The following TMEM74 variants were observed in gnomAD, a reference collection of about 807,000 sequenced individuals.
TMEM74 encodes the protein transmembrane protein 74.
In TMEM74, 13 loss-of-function variants were observed where a neutral mutation model predicts 18.1. That is an observed-to-expected ratio of 0.72 (90% CI 0.47 to 1.14). TMEM74 has a LOEUF of 1.14. Ranked by LOEUF, TMEM74 falls within the 50% of genes most tolerant of loss-of-function variation. The probability of loss-of-function intolerance (pLI) is 0.00; values close to 1 mark genes in which losing one functional copy is unlikely to be tolerated. For synonymous variants in TMEM74, 159 were observed against 146.6 expected (o/e 1.08, Z -0.61); for missense variants, 372 against 375.9 (o/e 0.99, Z 0.09).
Position 108,718,250 on chromosome 8 carries a change from G to A in TMEM74, n.120-62813C>T, listed in dbSNP as rs551550272. Reference sequence around the variant, plus strand: ...TGGGATTACAGGCGTGAGCCACCGCGCCCGGCCCTGACTTAGGTTTTAAAA... The same window carrying A: ...TGGGATTACAGGCGTGAGCCACCGCACCCGGCCCTGACTTAGGTTTTAAAA... On this transcript the variant is annotated intron_variant and non_coding_transcript_variant, in intron 1 of 3. Coordinates refer to the TMEM74 transcript ENST00000518838. Among the ~76,000 whole-genome samples the A allele has an allele frequency of 6.3e-4, 95 of 151,562 alleles. 26 individuals carry two copies. Among genetic ancestry groups the A allele is most frequent in the Admixed American group, 2.2e-3 (33 of 15,218 alleles).
chr8:108,655,847 G>C lies in TMEM74; in HGVS notation n.120-410C>G, dbSNP rs117163596. Among the ~76,000 whole-genome samples, 20 of 152,252 alleles carry C rather than the reference G, an allele frequency of 1.3e-4. No homozygotes were observed. In the East Asian group the frequency reaches 3.7e-3, roughly 28 times the overall value. ...GGTTCTTAAGAACTGAAACATTGTA[G>C]AACAATATAGCACATCAAACAATAT... On this transcript the variant is annotated intron_variant and non_coding_transcript_variant, in intron 1 of 3. Coordinates refer to the TMEM74 transcript ENST00000518838.
chr8:108,762,758 A>C (rs995296516), intron 1 of TMEM74, among the ~76,000 whole-genome samples: 3 of 152,128 alleles, frequency 2.0e-5, no homozygotes, highest in Admixed American at 1.3e-4. Context: ...AATAGAAGGC[A>C]TAGTGGTATG....
At chr8:108,670,473 C>T (rs1812993384) in intron 1 of TMEM74, among the ~76,000 whole-genome samples, 1 of 152,182 alleles carries the variant, frequency 6.6e-6, no homozygotes, top group South Asian at 2.1e-4. Context: ...CTCCCATATA[C>T]TGCAGTGCTG....
chr8:108,747,071 A>C (rs568391009), intron 1 of TMEM74, among the ~76,000 whole-genome samples: 19 of 152,172 alleles, frequency 1.2e-4, no homozygotes, highest in Non-Finnish European at 2.4e-4. Flanking sequence ...ATAGCCACAC[A>C]GTCAGGAGCA....
At position 108,641,790 on chromosome 8, in the gene TMEM74, C is replaced by T. The variant is rs3019396; in HGVS notation, n.264+13503G>A. On this transcript the variant is annotated intron_variant and non_coding_transcript_variant, in intron 2 of 3. Transcript: ENST00000518838. The stretch of plus-strand genomic sequence containing the variant: ...TCTTTCTTGCTAGCTGTCATGGAAG[C>T]CTTCTCCTTCATCTTAAGTTGGAAA... 5.5e-4 allele frequency among the ~76,000 whole-genome samples: 84 copies of T among 151,892 alleles called. 1 individual carries two copies. The highest frequency in any genetic ancestry group is 1.5e-3 in the Admixed American group (23 of 15,258).
intron 1 of TMEM74, among the ~76,000 whole-genome samples, chr8:108,657,859 A>AAAAAT (rs1554630268): frequency 1.8e-4 from 9 of 49,886 alleles, no homozygotes; most frequent in Non-Finnish European, 2.4e-4. Context: ...AAAAAAAAAA[A>AAAAAT]ATATATATAT....
At chr8:108,617,937 C>A (rs1238569807) in intron 2 of TMEM74, among the ~76,000 whole-genome samples, 1 of 152,078 alleles carries the variant, frequency 6.6e-6, no homozygotes, top group Admixed American at 6.6e-5. Context: ...CTGGAAGCAC[C>A]AGCATGGGTC....
At chr8:108,677,220 G>A (rs1309280445) in intron 1 of TMEM74, among the ~76,000 whole-genome samples, 2 of 152,100 alleles carry the variant, frequency 1.3e-5, no homozygotes, top group Non-Finnish European at 2.9e-5. Flanking sequence ...TAGAAAGAAA[G>A]GAACCTAATC....
At chr8:108,690,950 T>A (rs560873537) in intron 1 of TMEM74, among the ~76,000 whole-genome samples, 8 of 152,142 alleles carry the variant, frequency 5.3e-5, no homozygotes, top group Non-Finnish European at 1.2e-4. Flanking sequence ...ACAAAGTTAA[T>A]GAGAGGATAG....
At chr8:108,735,814 A>G (rs971056857) in intron 1 of TMEM74, among the ~76,000 whole-genome samples, 2 of 152,114 alleles carry the variant, frequency 1.3e-5, no homozygotes, top group Non-Finnish European at 2.9e-5. Context: ...CCAGCCACAC[A>G]TCAAGCTTAC....
intron 1 of TMEM74, among the ~76,000 whole-genome samples, chr8:108,770,386 A>G (rs1412286966): frequency 6.6e-6 from 1 of 152,216 alleles, no homozygotes; most frequent in African/African-American, 2.4e-5. Context: ...GCCTTTTAAC[A>G]AATTTGAATG....
At chr8:108,777,859 C>T (rs750551454), downstream of TMEM74, among the ~76,000 whole-genome samples, 4 of 152,086 alleles carry the variant, frequency 2.6e-5, no homozygotes, top group Admixed American at 1.3e-4. Context: ...ATAGTAAGAA[C>T]CCAAGAAAGT....
intron 2 of TMEM74, among the ~76,000 whole-genome samples, chr8:108,626,133 C>T (rs1254190911): frequency 6.6e-6 from 1 of 152,014 alleles, no homozygotes; most frequent in Non-Finnish European, 1.5e-5. Flanking sequence ...AAAATGATAA[C>T]TTGTCCACTA....
Position 108,773,863 on chromosome 8 carries a change from T to G in TMEM74, n.119+13613A>C, listed in dbSNP as rs1215402500. On this transcript the variant is annotated intron_variant and non_coding_transcript_variant, in intron 1 of 3. Coordinates refer to the TMEM74 transcript ENST00000518838. ...CCTAGCCAACAGCGTGACTGAAACCTTATGAGAGAACCCTGAGCCAAAACC... is the reference window on the plus strand; with the variant it reads ...CCTAGCCAACAGCGTGACTGAAACCGTATGAGAGAACCCTGAGCCAAAACC... Among the ~76,000 whole-genome samples, 5 of 152,178 alleles carry G rather than the reference T, an allele frequency of 3.3e-5. No homozygotes were observed. The South Asian group carries it at 8.3e-4, about 25-fold the overall frequency.
chr8:108,699,134 C>T (rs1424958898), intron 1 of TMEM74, among the ~76,000 whole-genome samples: 1 of 94,212 alleles, frequency 1.1e-5, no homozygotes, highest in Non-Finnish European at 2.2e-5. Flanking sequence ...ACCCTTCCCT[C>T]CCCTCCCTCT....
chr8:108,774,172 C>T (rs1351062590), downstream of TMEM74, among the ~76,000 whole-genome samples: 1 of 152,160 alleles, frequency 6.6e-6, no homozygotes. Flanking sequence ...ATAAGCAGGT[C>T]ATACCTTGTG....
chr8:108,753,565 G>T (rs1332695268), intron 1 of TMEM74, among the ~76,000 whole-genome samples: 2 of 151,984 alleles, frequency 1.3e-5, no homozygotes, highest in Admixed American at 1.3e-4. Flanking sequence ...AATATTTTCT[G>T]TTTCATTTGT....
chr8:108,670,520 T>C (rs930205640), intron 1 of TMEM74, among the ~76,000 whole-genome samples: 4 of 152,216 alleles, frequency 2.6e-5, no homozygotes, highest in African/African-American at 9.6e-5. Context: ...CCATATGATG[T>C]CACTTCCCCA....
At chr8:108,748,829 C>T (rs1813877402) in intron 1 of TMEM74, among the ~76,000 whole-genome samples, 1 of 152,014 alleles carries the variant, frequency 6.6e-6, no homozygotes, top group African/African-American at 2.4e-5. Flanking sequence ...CCAGTTCTCC[C>T]AGCACCATTT....
Sources: gnomAD v4.1 joint callset for allele counts (sites outside exome capture counted in the v4.1 genomes callset) on GRCh38, gnomAD v4.1.1 for gene constraint, MANE v1.5 for transcripts, NCBI Gene and HGNC (gene_info 2026-07-23, HGNC 2026-07-21) for gene names.